C10orf90: variants seen among roughly 807,000 people sequenced by gnomAD.
C10orf90 encodes (E2-independent) E3 ubiquitin-conjugating enzyme FATS.
In C10orf90, 56 loss-of-function variants were observed where a neutral mutation model predicts 62.5. That is an observed-to-expected ratio of 0.90 (90% CI 0.72 to 1.12). C10orf90 has a LOEUF of 1.12. Ranked by LOEUF, C10orf90 falls within the 50% of genes most tolerant of loss-of-function variation. The pLI, the probability that C10orf90 is intolerant of heterozygous loss-of-function variation, is 0.00. For missense variants in C10orf90, 970 were observed against 880.4 expected, an observed-to-expected ratio of 1.10 and a Z score of -1.29; for synonymous variants, 386 against 340.4, an observed-to-expected ratio of 1.13 and a Z score of -1.47.
At chr10:126,489,571 C>A (rs1433123551) in intron 4 of C10orf90, among the ~76,000 whole-genome samples, 1 of 152,040 alleles carries the variant, frequency 6.6e-6, no homozygotes, top group African/African-American at 2.4e-5. Flanking sequence ...AAACAGAGCA[C>A]GACGAGTGTT....
chr10:126,462,889 C>G (rs1216593133), intron 5 of C10orf90, among the ~76,000 whole-genome samples: 1 of 152,166 alleles, frequency 6.6e-6, no homozygotes, highest in Non-Finnish European at 1.5e-5. Flanking sequence ...GGTAGACGTC[C>G]CACTTGCAGC....
At chr10:126,441,722 C>A (rs1243903863) in intron 7 of C10orf90, among the ~76,000 whole-genome samples, 2 of 152,044 alleles carry the variant, frequency 1.3e-5, no homozygotes, top group African/African-American at 4.8e-5. Context: ...GGATTGGGGC[C>A]CTATCTTCAG....
chr10:126,593,964 C>A (rs1041454760), intron 2 of C10orf90, among the ~76,000 whole-genome samples: 1 of 151,802 alleles, frequency 6.6e-6, no homozygotes, highest in African/African-American at 2.4e-5. Context: ...GGAGCCTCCA[C>A]AAGGGAAAGA....
At chr10:126,580,872 A>C (rs1844735774) in intron 2 of C10orf90, among the ~76,000 whole-genome samples, 1 of 151,936 alleles carries the variant, frequency 6.6e-6, no homozygotes, top group Non-Finnish European at 1.5e-5. Flanking sequence ...TGTTTTCTGG[A>C]CACATTTCCA....
Position 126,517,824 on chromosome 10 carries a change from C to A in C10orf90, c.314-3885G>T, listed in dbSNP as rs148254795. ...ACTCAGGAGGCTGAGGCAGGAGAAT[C>A]GCTTGAACCCAGGAGGTAGAGGTTA... On this transcript the variant is annotated intron_variant, in intron 2 of 9. Transcript: ENST00000488181. 6.5e-3 allele frequency among the ~76,000 whole-genome samples: 967 copies of A among 148,614 alleles called. 9 individuals carry two copies. Among genetic ancestry groups the A allele is most frequent in the African/African-American group, 0.022 (900 of 40,406 alleles).
chr10:126,525,414 G>C (rs989565570), intron 2 of C10orf90, among the ~76,000 whole-genome samples: 1 of 152,190 alleles, frequency 6.6e-6, no homozygotes, highest in African/African-American at 2.4e-5. Flanking sequence ...GCAACAATGT[G>C]ATTCTTGTTT....
chr10:126,556,323 G>A (rs1436760885), intron 2 of C10orf90, among the ~76,000 whole-genome samples: 1 of 152,178 alleles, frequency 6.6e-6, no homozygotes, highest in Non-Finnish European at 1.5e-5. Flanking sequence ...GCTGAGTGGG[G>A]ACTCTGCAAA....
At chr10:126,655,737 C>A (rs913937704) in intron 1 of C10orf90, among the ~76,000 whole-genome samples, 5 of 151,876 alleles carry the variant, frequency 3.3e-5, no homozygotes, top group African/African-American at 9.7e-5. Flanking sequence ...TTTGGAACAC[C>A]TCAGAGAGTT....
intron 7 of C10orf90, among the ~76,000 whole-genome samples, chr10:126,440,373 C>T (rs140062914): frequency 1.3e-5 from 2 of 152,242 alleles, no homozygotes; most frequent in Non-Finnish European, 2.9e-5. Context: ...TCCGCCACAG[C>T]AGCCGCAGCA....
chr10:126,611,669 G>T (rs553779694), intron 2 of C10orf90, among the ~76,000 whole-genome samples: 6 of 152,110 alleles, frequency 3.9e-5, no homozygotes, highest in Non-Finnish European at 8.8e-5. Flanking sequence ...ATTAAATTTT[G>T]GTTCCACACT....
chr10:126,447,248 TA>T lies in C10orf90; in HGVS notation c.2188+11791del, dbSNP rs201250262. Among the ~76,000 whole-genome samples the T allele has an allele frequency of 2.8e-3, 396 of 143,342 alleles. 1 individual carries two copies. Among genetic ancestry groups the T allele is most frequent in the Admixed American group, 2.5e-3 (35 of 14,238 alleles). 94.0% of individuals were successfully genotyped at this position (143,342 alleles called of 152,430 possible). On this transcript the variant is annotated intron_variant, in intron 7 of 9. Coordinates refer to ENST00000488181, the MANE Select transcript of C10orf90 (RefSeq NM_001350921.2). The stretch of plus-strand genomic sequence containing the variant: ...ATATATACTGAGTAGCTCAATGGGT[TA>T]AAAAAAAAAAAGACCTAATAATAAT...
chr10:126,561,766 G>A (rs1864905626), intron 2 of C10orf90, among the ~76,000 whole-genome samples: 1 of 152,118 alleles, frequency 6.6e-6, no homozygotes, highest in Admixed American at 6.5e-5. Flanking sequence ...GGACAGTTGT[G>A]TGCCTGACAC....
At chr10:126,501,430 C>G (rs1862372784) in intron 4 of C10orf90, among the ~76,000 whole-genome samples, 1 of 151,998 alleles carries the variant, frequency 6.6e-6, no homozygotes, top group African/African-American at 2.4e-5. Flanking sequence ...TTGTAGGCAT[C>G]CGAGGCAAGT....
chr10:126,632,997 T>C (rs867848597), intron 2 of C10orf90, among the ~76,000 whole-genome samples: 1 of 152,180 alleles, frequency 6.6e-6, no homozygotes, highest in Non-Finnish European at 1.5e-5. Flanking sequence ...CTTTGTTTAT[T>C]GGCACTGTGG....
At chr10:126,562,019 T>C (rs886078581) in intron 2 of C10orf90, among the ~76,000 whole-genome samples, 66 of 152,308 alleles carry the variant, frequency 4.3e-4, no homozygotes, top group Admixed American at 4.2e-3. Context: ...GCACCTCAGC[T>C]GGAGAGTCCT....
rs186754131 is a variant in C10orf90 at position 126,577,311 on chromosome 10, A to T, written c.314-63372T>A. Among the ~76,000 whole-genome samples the T allele has an allele frequency of 2.8e-3, 424 of 152,138 alleles. 3 individuals carry two copies. The highest frequency in any genetic ancestry group is 0.017 in the Middle Eastern group (5 of 292). ...AAGATAAAATTAACAAGAAAAATTTAAAAATTAATAAGTGAAACTAGCAAG... is the reference window on the plus strand; with the variant it reads ...AAGATAAAATTAACAAGAAAAATTTTAAAATTAATAAGTGAAACTAGCAAG... On this transcript the variant is annotated intron_variant, in intron 2 of 9. Transcript: ENST00000488181.
chr10:126,543,881 T>G (rs1864430587), intron 2 of C10orf90, among the ~76,000 whole-genome samples: 1 of 152,182 alleles, frequency 6.6e-6, no homozygotes, highest in South Asian at 2.1e-4. Context: ...AGTGAACTGC[T>G]GACTCGAGCT....
At chr10:126,617,923 C>T (rs908403187) in intron 2 of C10orf90, among the ~76,000 whole-genome samples, 2 of 152,174 alleles carry the variant, frequency 1.3e-5, no homozygotes, top group Admixed American at 1.3e-4. Flanking sequence ...TAAATGTTAA[C>T]GTATGCCAAT....
chr10:126,648,856 A>G (rs1846222530), intron 1 of C10orf90, among the ~76,000 whole-genome samples: 2 of 152,134 alleles, frequency 1.3e-5, no homozygotes, highest in Non-Finnish European at 2.9e-5. Flanking sequence ...ATGTAACTCT[A>G]TCAAGTCTAG....
Sources: allele counts gnomAD v4.1 joint callset (sites outside exome capture counted in the v4.1 genomes callset), GRCh38; gene constraint gnomAD v4.1.1; transcripts MANE v1.5; gene names NCBI Gene and HGNC (gene_info 2026-07-23, HGNC 2026-07-21).